The following MB21D2 variants were observed in gnomAD, a reference collection of about 807,000 sequenced individuals.
MB21D2 encodes nucleotidyltransferase MB21D2.
Under a neutral mutation model 33.3 loss-of-function variants are expected in MB21D2, and 9 were observed. The ratio of observed to expected loss-of-function variants is 0.27; its 90% CI spans 0.16 to 0.47. The LOEUF (loss-of-function observed/expected upper bound fraction) is 0.47, where lower values mean the gene tolerates loss of function less well. Among genes scored for constraint, MB21D2 ranks in the 20% least tolerant of loss-of-function variants. The pLI is 0.99. For synonymous variants in MB21D2, 241 were observed against 236.3 expected, an observed-to-expected ratio of 1.02 and a Z score of -0.18; for missense variants, 540 against 624.6, an observed-to-expected ratio of 0.86 and a Z score of 1.44.
intron 1 of MB21D2, among the ~76,000 whole-genome samples, chr3:192,906,435 C>T (rs1714216607): frequency 6.6e-6 from 1 of 152,194 alleles, no homozygotes; most frequent in Non-Finnish European, 1.5e-5. Context: ...CCAAATTAAA[C>T]TTGCTAAAAT....
intron 1 of MB21D2, among the ~76,000 whole-genome samples, chr3:192,871,324 A>T (rs1211486256): frequency 6.6e-6 from 1 of 152,182 alleles, no homozygotes; most frequent in Non-Finnish European, 1.5e-5. Context: ...GGGTTGATGG[A>T]CCTACTAAAT....
intron 1 of MB21D2, among the ~76,000 whole-genome samples, chr3:192,861,355 C>A (rs1713037837): frequency 6.6e-6 from 1 of 152,200 alleles, no homozygotes; most frequent in African/African-American, 2.4e-5. Flanking sequence ...TCACAGGAGA[C>A]CCTGCTAAAT....
chr3:192,834,421 C>CAAA (rs35712980), intron 1 of MB21D2, among the ~76,000 whole-genome samples: 1 of 127,118 alleles, frequency 7.9e-6, no homozygotes, highest in Non-Finnish European at 1.7e-5. Context: ...CCAGTTATAT[C>CAAA]AAAAAAAAAA....
chr3:192,808,685 A>G (rs997980770), intron 1 of MB21D2, among the ~76,000 whole-genome samples: 4 of 152,208 alleles, frequency 2.6e-5, no homozygotes. Context: ...CTTAAGACAG[A>G]CAACTATAAC....
chr3:192,905,432 T>C (rs898415060), intron 1 of MB21D2, among the ~76,000 whole-genome samples: 1 of 150,554 alleles, frequency 6.6e-6, no homozygotes, highest in African/African-American at 2.4e-5. Context: ...AGGTCAGGAG[T>C]TCGAGACCAG....
intron 1 of MB21D2, among the ~76,000 whole-genome samples, chr3:192,825,337 T>C (rs1349175051): frequency 1.3e-5 from 2 of 152,114 alleles, no homozygotes; most frequent in Non-Finnish European, 2.9e-5. Context: ...AATGTGTGCG[T>C]AGGGGAATGC....
Position 192,884,586 on chromosome 3 carries a change from CT to C in MB21D2, c.211+33043del, listed in dbSNP as rs1381885705. Among the ~76,000 whole-genome samples, 179 of 152,096 alleles carry C rather than the reference CT, an allele frequency of 1.2e-3. 4 individuals carry two copies. The highest frequency in any genetic ancestry group is 3.9e-3 in the African/African-American group (162 of 41,396). ...GTTTCACCGTGTTAGCCAGGATGGTCTTGATCTCCTGACCTCGTGATCTGCC... is the reference window on the plus strand; with the variant it reads ...GTTTCACCGTGTTAGCCAGGATGGTCTGATCTCCTGACCTCGTGATCTGCC... On this transcript the variant is annotated intron_variant, in intron 1 of 1. Transcript: ENST00000392452.
intron 1 of MB21D2, among the ~76,000 whole-genome samples, chr3:192,853,655 T>A (rs1307185206): frequency 4.6e-5 from 7 of 152,206 alleles, no homozygotes; most frequent in Admixed American, 4.6e-4. Context: ...TTTGTTTTTT[T>A]TTTTATTCTC....
At chr3:192,900,811 C>A (rs1577201587) in intron 1 of MB21D2, among the ~76,000 whole-genome samples, 2 of 151,936 alleles carry the variant, frequency 1.3e-5, no homozygotes, top group Non-Finnish European at 2.9e-5. Context: ...TATGGCGGCG[C>A]CCGCCTGTAG....
chr3:192,805,174 G>A lies in MB21D2; in HGVS notation c.212-5524C>T, dbSNP rs375330722. On this transcript the variant is annotated intron_variant, in intron 1 of 1. Transcript: ENST00000392452. The stretch of plus-strand genomic sequence containing the variant: ...GAAGTAGCAGAGGTCTCAGGGCAAT[G>A]TGCCAGTTTTTCATTTTTATTGGTC... Among the ~76,000 whole-genome samples the A allele has an allele frequency of 2.1e-4, 32 of 152,218 alleles. 1 individual carries two copies. Among genetic ancestry groups the A allele is most frequent in the Admixed American group, 9.8e-4 (15 of 15,278 alleles).
chr3:192,895,611 TAAAGAA>T (rs1463168130), intron 1 of MB21D2, among the ~76,000 whole-genome samples: 1 of 152,218 alleles, frequency 6.6e-6, no homozygotes, highest in East Asian at 1.9e-4. Flanking sequence ...AGAAAACTAT[TAAAGAA>T]AAAGAAAATT....
chr3:192,917,532 C>T, intron 1 of MB21D2, 98 bp downstream of exon 1: 1 of 1,342,452 alleles, frequency 7.4e-7, no homozygotes, highest in Non-Finnish European at 1.0e-6. Flanking sequence ...GGGAAGGCAA[C>T]CCAGAAGGGA....
In MB21D2 at chr3:192,798,096, TG is replaced by T; in HGVS notation, c.*289del. 1 of 301,200 alleles carries T rather than the reference TG, an allele frequency of 3.3e-6. No homozygotes were observed. Among genetic ancestry groups the T allele is most frequent in the Non-Finnish European group, 6.2e-6 (1 of 162,264 alleles). 18.7% of individuals were successfully genotyped at this position (301,200 alleles called of 1,614,324 possible). A position where few individuals can be genotyped will look rare whatever the true frequency, so the allele number is the denominator to read the frequency against. On this transcript the variant is annotated 3_prime_UTR_variant, in exon 2 of 2. Coordinates refer to ENST00000392452, the MANE Select transcript of MB21D2 (RefSeq NM_178496.4). This position sits in a 1 kb window ranked among gnomAD's most constrained non-coding sequence, Gnocchi z 4.8. ...AAACAGAAAAAAGCAAGAGGATTCA[TG>T]GGCATTTTCATCTATGGCTTAAGAT... is the stretch of plus-strand genomic sequence containing the variant.
intron 1 of MB21D2, among the ~76,000 whole-genome samples, chr3:192,894,015 A>G (rs1289638366): frequency 6.6e-6 from 1 of 152,132 alleles, no homozygotes; most frequent in African/African-American, 2.4e-5. Context: ...AGCCTAGGGA[A>G]CAGAGACAGA....
intron 1 of MB21D2, among the ~76,000 whole-genome samples, chr3:192,843,112 A>G (rs958686551): frequency 2.0e-5 from 3 of 152,190 alleles, no homozygotes; most frequent in African/African-American, 7.2e-5. Flanking sequence ...AGAAAGTTAA[A>G]GCTACTAGCT....
At chr3:192,895,424 A>C (rs867358461) in intron 1 of MB21D2, among the ~76,000 whole-genome samples, 1 of 152,146 alleles carries the variant, frequency 6.6e-6, no homozygotes. Context: ...GCTTTATTTC[A>C]ATCTGTTTCA....
rs35594076 is a variant in MB21D2 at position 192,799,142 on chromosome 3, A to C, written c.720T>G (p.Ser240=). The C allele has an allele frequency of 0.012, 19,002 of 1,614,192 alleles. 168 individuals carry two copies. Among genetic ancestry groups the C allele is most frequent in the Non-Finnish European group, 0.013 (15,460 of 1,180,040 alleles). Residue 240 remains serine (S), a synonymous_variant, in exon 2 of 2, where the codon TCT becomes TCG. Coordinates refer to ENST00000392452, the MANE Select transcript of MB21D2 (RefSeq NM_178496.4). This position sits in a 1 kb window ranked among gnomAD's most constrained non-coding sequence, Gnocchi z 4.1. ...RMLYDIVPVV[S]FKGWPAVAQS... is the part of the protein sequence containing the mutation. ...GGGCCACTGCAGGCCAACCTTTGAA[A>C]GATACCACAGGGACAATATCATACA...
At chr3:192,837,195 C>T (rs572749103) in intron 1 of MB21D2, among the ~76,000 whole-genome samples, 23 of 152,308 alleles carry the variant, frequency 1.5e-4, no homozygotes, top group South Asian at 8.3e-4. Flanking sequence ...AAAGCCCACA[C>T]GTTTCCTCCC....
At chr3:192,850,150 C>T (rs1007320101) in intron 1 of MB21D2, among the ~76,000 whole-genome samples, 17 of 152,088 alleles carry the variant, frequency 1.1e-4, no homozygotes, top group Admixed American at 9.2e-4. Context: ...GAACTCCTGA[C>T]CTTATGATCC....
Sources: allele counts gnomAD v4.1 joint callset (sites outside exome capture counted in the v4.1 genomes callset), GRCh38; gene constraint gnomAD v4.1.1; non-coding constraint Gnocchi (gnomAD v3.1); transcripts MANE v1.5; gene names NCBI Gene and HGNC (gene_info 2026-07-23, HGNC 2026-07-21).